The following PDE4D variants were observed in gnomAD, a reference collection of about 807,000 sequenced individuals.
PDE4D encodes the protein 3',5'-cyclic-AMP phosphodiesterase 4D.
In PDE4D, 24 loss-of-function variants were observed where a neutral mutation model predicts 87.4. The observed-to-expected ratio is 0.27, with a 90% confidence interval of 0.20 to 0.39. The LOEUF is 0.39. Among genes scored for constraint, PDE4D ranks in the 10% least tolerant of loss-of-function variants. The pLI, the probability that PDE4D is intolerant of heterozygous loss-of-function variation, is 1.00. For synonymous variants in PDE4D, 384 were observed against 383.2 expected, an observed-to-expected ratio of 1.00 and a Z score of -0.02; for missense variants, 714 against 1,041.0, an observed-to-expected ratio of 0.69 and a Z score of 4.32.
At chr5:59,420,319 A>G (rs112985949) in intron 1 of PDE4D, among the ~76,000 whole-genome samples, 6 of 152,310 alleles carry the variant, frequency 3.9e-5, no homozygotes, top group African/African-American at 1.4e-4. Flanking sequence ...GTAAGTAAAA[A>G]TGGCAATTTA....
chr5:59,204,591 GGCT>G (rs1748321871), intron 2 of PDE4D, among the ~76,000 whole-genome samples: 2 of 152,184 alleles, frequency 1.3e-5, no homozygotes, highest in South Asian at 4.1e-4. Context: ...TTTCTAGGAC[GGCT>G]GATGTCCCAA....
rs77751482 is a variant in PDE4D, at chr5:59,822,906, C to T, written c.455+70262G>A. On this transcript the variant is annotated intron_variant, in intron 1 of 14. Transcript: ENST00000340635. ...GCCGGTAAGCAGTAGGGATGGAAAA[C>T]GCTTTCCTCAGCTAGACTGACTGCT... 5.8e-3 allele frequency among the ~76,000 whole-genome samples: 881 copies of T among 152,308 alleles called. 8 individuals are homozygous for T. The highest frequency in any genetic ancestry group is 0.02 in the African/African-American group (845 of 41,556).
At chr5:60,182,897 AG>A in intron 2 of PDE4D, among the ~76,000 whole-genome samples, 1 of 152,032 alleles carries the variant, frequency 6.6e-6, no homozygotes, top group African/African-American at 2.4e-5. Flanking sequence ...AAAAAAAAAA[AG>A]AATATCAAAC....
intron 3 of PDE4D, among the ~76,000 whole-genome samples, chr5:59,908,315 CT>C (rs201909339): frequency 1.1e-3 from 162 of 152,114 alleles, no homozygotes; most frequent in Middle Eastern, 3.4e-3. Flanking sequence ...TAAACTCAAA[CT>C]TTTTTTTAAA....
chr5:60,372,455 C>T (rs369301361), intron 1 of PDE4D: 6 of 152,268 alleles, frequency 3.9e-5, no homozygotes, highest in African/African-American at 9.7e-5. Flanking sequence ...CTGGTGGCAG[C>T]CTCTTTTCTC....
intron 3 of PDE4D, among the ~76,000 whole-genome samples, chr5:59,190,660 T>C (rs1022041268): frequency 1.3e-5 from 2 of 152,170 alleles, no homozygotes; most frequent in Non-Finnish European, 2.9e-5. Context: ...TGGTAAGTGC[T>C]TTACTTTGTA....
chr5:60,020,382 G>A (rs1765924033), intron 2 of PDE4D, among the ~76,000 whole-genome samples: 1 of 152,142 alleles, frequency 6.6e-6, no homozygotes, highest in African/African-American at 2.4e-5. Context: ...CAATACACTT[G>A]TTAGATGTAG....
intron 1 of PDE4D, among the ~76,000 whole-genome samples, chr5:59,524,656 G>A (rs148292206): frequency 1.1e-4 from 16 of 152,312 alleles, no homozygotes; most frequent in Non-Finnish European, 1.9e-4. Context: ...TGTCTCTAGA[G>A]CCTGTTAGAC....
intron 1 of PDE4D, among the ~76,000 whole-genome samples, chr5:59,593,408 T>A (rs1826188153): frequency 6.6e-6 from 1 of 152,192 alleles, no homozygotes; most frequent in African/African-American, 2.4e-5. Flanking sequence ...AGATTTGCTT[T>A]CACTGGAAAT....
intron 6 of PDE4D, among the ~76,000 whole-genome samples, chr5:59,018,461 C>T (rs891713722): frequency 6.6e-6 from 1 of 152,072 alleles, no homozygotes; most frequent in Non-Finnish European, 1.5e-5. Context: ...TTATAAATTC[C>T]TTAAACTTAA....
At chr5:60,267,149 A>T (rs901618926) in intron 1 of PDE4D, among the ~76,000 whole-genome samples, 1 of 152,200 alleles carries the variant, frequency 6.6e-6, no homozygotes, top group Non-Finnish European at 1.5e-5. Context: ...CGTTACATTT[A>T]CATTAGAAAT....
intron 1 of PDE4D, among the ~76,000 whole-genome samples, chr5:59,720,151 A>G (rs1284467479): frequency 6.6e-6 from 1 of 152,146 alleles, no homozygotes; most frequent in Non-Finnish European, 1.5e-5. Flanking sequence ...GACTATTTAC[A>G]CACTTGTTAA....
At chr5:59,842,176 T>C (rs1419802960) in intron 1 of PDE4D, among the ~76,000 whole-genome samples, 1 of 151,514 alleles carries the variant, frequency 6.6e-6, no homozygotes, top group Non-Finnish European at 1.5e-5. Context: ...GGGAGGTGAG[T>C]TCGGAGGCAG....
At chr5:59,992,011 A>G (rs1048307013) in intron 2 of PDE4D, among the ~76,000 whole-genome samples, 4 of 152,172 alleles carry the variant, frequency 2.6e-5, no homozygotes, top group African/African-American at 9.6e-5. Context: ...AGCTGCAAGC[A>G]CAGCTGGGTT....
chr5:60,458,614 A>G (rs1009261969), intron 1 of PDE4D, among the ~76,000 whole-genome samples: 2 of 152,226 alleles, frequency 1.3e-5, no homozygotes, highest in Admixed American at 1.3e-4. Flanking sequence ...GACTTCATCA[A>G]GTCTGGTTTT....
intron 1 of PDE4D, among the ~76,000 whole-genome samples, chr5:59,273,099 C>A (rs1297135066): frequency 6.6e-6 from 1 of 152,090 alleles, no homozygotes; most frequent in Non-Finnish European, 1.5e-5. Context: ...TTTTGGAGAT[C>A]AACCTGGAAA....
intron 1 of PDE4D, among the ~76,000 whole-genome samples, chr5:59,228,818 G>C (rs115647748): frequency 0.011 from 1,625 of 152,060 alleles, 36 homozygotes; most frequent in African/African-American, 0.038. Flanking sequence ...TGTTCACTCT[G>C]CTCAGCCTCT....
intron 1 of PDE4D, among the ~76,000 whole-genome samples, chr5:60,365,092 A>C (rs1217849950): frequency 6.6e-6 from 1 of 152,212 alleles, no homozygotes; most frequent in Non-Finnish European, 1.5e-5. Context: ...AACTCATTAA[A>C]AGTAGAGAAG....
At chr5:60,326,449 C>T (rs1405690804) in intron 1 of PDE4D, among the ~76,000 whole-genome samples, 10 of 152,086 alleles carry the variant, frequency 6.6e-5, no homozygotes, top group Admixed American at 5.9e-4. Context: ...CACTTTAATT[C>T]AGCAACTTAA....
Sources: allele counts gnomAD v4.1 joint callset (sites outside exome capture counted in the v4.1 genomes callset), GRCh38; gene constraint gnomAD v4.1.1; transcripts MANE v1.5; gene names NCBI Gene and HGNC (gene_info 2026-07-23, HGNC 2026-07-21).